The following BCAS3 variants were observed in gnomAD, a reference collection of about 807,000 sequenced individuals.
The protein encoded by BCAS3 is BCAS4/BCAS3 fusion.
A neutral mutation model predicts 116.1 loss-of-function variants in BCAS3; 53 were observed. The observed-to-expected ratio is 0.46, with a 90% CI of 0.37 to 0.57. The LOEUF (loss-of-function observed/expected upper bound fraction) is 0.57, where lower values mean the gene tolerates loss of function less well. Among genes scored for constraint, BCAS3 ranks in the 20% least tolerant of loss-of-function variants. The pLI is 0.00. For missense variants in BCAS3, 917 were observed against 1,165.4 expected, an observed-to-expected ratio of 0.79 and a Z score of 3.10; for synonymous variants, 391 against 408.2, an observed-to-expected ratio of 0.96 and a Z score of 0.51.
At chr17:60,681,783 G>A (rs2033162725) in intron 2 of BCAS3, among the ~76,000 whole-genome samples, 1 of 151,922 alleles carries the variant, frequency 6.6e-6, no homozygotes, top group Admixed American at 6.6e-5. Flanking sequence ...AGGCTGGAGT[G>A]CGATGGCACG....
At position 61,356,182 on chromosome 17, in the gene BCAS3, C is replaced by T. The variant is rs560185868; in HGVS notation, c.2426-12145C>T. On this transcript the variant is annotated intron_variant, in intron 22 of 23. Coordinates refer to ENST00000407086, the MANE Select transcript of BCAS3 (RefSeq NM_017679.5). This position sits in a 1 kb window ranked among gnomAD's most constrained non-coding sequence, Gnocchi z 5.4. ...GCTGATTTTTGTATTTTTGTAGAGACGGGGTTTCACCGTGTTGGCCAGGCT... is the reference window on the plus strand; with the variant it reads ...GCTGATTTTTGTATTTTTGTAGAGATGGGGTTTCACCGTGTTGGCCAGGCT... 1.2e-4 allele frequency among the ~76,000 whole-genome samples: 19 copies of T among 152,200 alleles called. No homozygotes were observed. The highest frequency in any genetic ancestry group is 3.4e-4 in the African/African-American group (14 of 41,532).
At chr17:60,953,243 G>A (rs749971564) in intron 14 of BCAS3, among the ~76,000 whole-genome samples, 36 of 152,024 alleles carry the variant, frequency 2.4e-4, no homozygotes, top group Middle Eastern at 3.2e-3. Context: ...GTGTATAAGC[G>A]TTCCCTTTTC....
chr17:60,799,805 C>G (rs969338385), intron 6 of BCAS3, among the ~76,000 whole-genome samples: 3 of 144,728 alleles, frequency 2.1e-5, no homozygotes, highest in African/African-American at 7.8e-5. Flanking sequence ...ATCTGCCTGC[C>G]TCGGCCTCCC....
chr17:61,317,058 A>G (rs1030468128), intron 22 of BCAS3, among the ~76,000 whole-genome samples: 2 of 152,200 alleles, frequency 1.3e-5, no homozygotes, highest in Admixed American at 1.3e-4. Flanking sequence ...AATTCCGTTC[A>G]CTGCTTTGTT....
At chr17:60,747,160 T>G (rs2042075309) in intron 5 of BCAS3, 38 bp from the exon 6 acceptor site, 1 of 1,443,350 alleles carries the variant, frequency 6.9e-7, no homozygotes, top group Non-Finnish European at 9.7e-7. Flanking sequence ...GTGACCTTCA[T>G]TTTCCCACTG....
intron 22 of BCAS3, among the ~76,000 whole-genome samples, chr17:61,166,587 G>A (rs755503908): frequency 2.0e-5 from 3 of 151,820 alleles, no homozygotes; most frequent in Non-Finnish European, 4.4e-5. Context: ...TAGTGGACAC[G>A]GGGTTTCACC....
At position 61,017,481 on chromosome 17, in the gene BCAS3, T is replaced by G. The variant is rs78511289; in HGVS notation, c.1637+1580T>G. ...AAATTGTTTCTCTGTAATTTAATTT[T>G]ATATTCAGAGTGAGGGAAATTTAAG... On this transcript the variant is annotated intron_variant, in intron 16 of 23. Transcript: ENST00000407086. This position sits in a 1 kb window ranked among gnomAD's most constrained non-coding sequence, Gnocchi z 4.7. 0.013 allele frequency among the ~76,000 whole-genome samples: 1,937 copies of G among 152,276 alleles called. 43 individuals are homozygous for G. Among genetic ancestry groups the G allele is most frequent in the African/African-American group, 0.044 (1,833 of 41,550 alleles).
In BCAS3 at chr17:61,232,910, A is replaced by G. The variant is rs188941759; in HGVS notation, c.2426-135417A>G. 1.2e-4 allele frequency among the ~76,000 whole-genome samples: 19 copies of G among 152,316 alleles called. No individual in the cohort carries two copies. The East Asian group carries it at 3.7e-3, about 29-fold the overall frequency. On this transcript the variant is annotated intron_variant, in intron 22 of 23. Transcript: ENST00000407086. ...GCATTAGCCTTGAGCTAGTATTGTA[A>G]GATGCAAAATTATGTTGCCGGCATC... is the stretch of plus-strand genomic sequence containing the variant.
intron 14 of BCAS3, among the ~76,000 whole-genome samples, chr17:60,983,109 A>G (rs1201035662): frequency 6.6e-6 from 1 of 152,150 alleles, no homozygotes; most frequent in Non-Finnish European, 1.5e-5. Context: ...GTACTTGTTT[A>G]TTATTTGTTA....
intron 15 of BCAS3, among the ~76,000 whole-genome samples, chr17:60,992,342 GC>G (rs1162672782): frequency 2.0e-5 from 3 of 152,024 alleles, no homozygotes; most frequent in Non-Finnish European, 4.4e-5. Flanking sequence ...CATACTTTAT[GC>G]TTTGGTTCTA....
intron 19 of BCAS3, among the ~76,000 whole-genome samples, chr17:61,042,428 T>C (rs1338884310): frequency 1.3e-5 from 2 of 152,000 alleles, no homozygotes; most frequent in Admixed American, 1.3e-4. Context: ...ATTGACCTTA[T>C]TGACATTACA....
Position 60,695,347 on chromosome 17 carries a change from C to T in BCAS3, c.214+5586C>T, listed in dbSNP as rs376989606. On this transcript the variant is annotated intron_variant, in intron 4 of 23. Coordinates refer to ENST00000407086, the MANE Select transcript of BCAS3 (RefSeq NM_017679.5). ...GTTGGCCAGGATGGTCTCTTGACCT[C>T]GTGATCTGCCCACCTCGGCCTCCCA... is the stretch of plus-strand genomic sequence containing the variant. 3.3e-5 allele frequency among the ~76,000 whole-genome samples: 5 copies of T among 151,970 alleles called. No individual in the cohort carries two copies. The South Asian group carries it at 8.3e-4, about 25-fold the overall frequency.
At chr17:60,746,395 C>T (rs922772632) in intron 5 of BCAS3, among the ~76,000 whole-genome samples, 6 of 152,092 alleles carry the variant, frequency 3.9e-5, no homozygotes, top group African/African-American at 7.2e-5. Flanking sequence ...ACACTCAACA[C>T]ATATTACCAT....
intron 22 of BCAS3, among the ~76,000 whole-genome samples, chr17:61,142,499 T>C (rs1174775983): frequency 6.6e-6 from 1 of 152,152 alleles, no homozygotes; most frequent in African/African-American, 2.4e-5. Context: ...GTTCTCTGTT[T>C]AACTAGATTT....
chr17:60,815,676 C>T (rs757047938), intron 7 of BCAS3, among the ~76,000 whole-genome samples: 2 of 152,100 alleles, frequency 1.3e-5, no homozygotes, highest in African/African-American at 2.4e-5. Flanking sequence ...TTCAGGGAGC[C>T]AATGAAGTCT....
chr17:61,290,785 T>C (rs1046859132), intron 22 of BCAS3, among the ~76,000 whole-genome samples: 1 of 152,094 alleles, frequency 6.6e-6, no homozygotes, highest in Non-Finnish European at 1.5e-5. Flanking sequence ...CTTTTTAGTT[T>C]GCATTTTTTT....
At chr17:60,949,997 A>G (rs1286474387) in intron 14 of BCAS3, among the ~76,000 whole-genome samples, 2 of 152,224 alleles carry the variant, frequency 1.3e-5, no homozygotes, top group African/African-American at 4.8e-5. Context: ...AAATTCAAGG[A>G]GACTTTGGAG....
intron 22 of BCAS3, among the ~76,000 whole-genome samples, chr17:61,115,883 C>T (rs1284874185): frequency 6.6e-6 from 1 of 151,654 alleles, no homozygotes. Context: ...AAATGTGGCA[C>T]ATATACACCA....
chr17:61,289,929 T>C (rs751038732), intron 22 of BCAS3, among the ~76,000 whole-genome samples: 4 of 152,192 alleles, frequency 2.6e-5, no homozygotes, highest in African/African-American at 9.7e-5. Context: ...TTTTGCCCCG[T>C]GTCCTTGCCT....
Sources: allele counts gnomAD v4.1 joint callset (sites outside exome capture counted in the v4.1 genomes callset), GRCh38; gene constraint gnomAD v4.1.1; non-coding constraint Gnocchi (gnomAD v3.1); transcripts MANE v1.5; gene names NCBI Gene and HGNC (gene_info 2026-07-23, HGNC 2026-07-21).